MTFMT: variants seen among roughly 807,000 people sequenced by gnomAD.
MTFMT encodes mitochondrial methionyl-tRNA formyltransferase.
MTFMT carries 47 observed loss-of-function variants against 51.8 expected under a neutral mutation model. The observed-to-expected ratio is 0.91, with a 90% CI of 0.72 to 1.16. MTFMT has a LOEUF of 1.16. MTFMT is among the 50% of genes most tolerant of loss of function. The pLI, the probability that MTFMT is intolerant of heterozygous loss-of-function variation, is 0.00. For synonymous variants in MTFMT, 196 were observed against 176.7 expected (o/e 1.11, Z -0.87); for missense variants, 512 against 482.3 (o/e 1.06, Z -0.58).
intron 6 of MTFMT, among the ~76,000 whole-genome samples, chr15:65,007,479 A>C (rs919749048): frequency 6.6e-6 from 1 of 152,154 alleles, no homozygotes; most frequent in Non-Finnish European, 1.5e-5. Context: ...GATATTTGTT[A>C]TTTTCAATTT....
At position 65,029,350 on chromosome 15, in the gene MTFMT, G is replaced by A. The variant is rs555946991; in HGVS notation, c.209+55C>T. On this transcript the variant is annotated intron_variant, in intron 1 of 8. Transcript: ENST00000220058. ...CCAAAACCCTCGGGGCCGGCCGCCC[G>A]GGCGCGGCCTGGAGGCCTTCAGCGG... 7.9e-4 allele frequency: 1,069 copies of A among 1,351,676 alleles called. 2 individuals carry two copies. The highest frequency in any genetic ancestry group is 9.8e-4 in the Non-Finnish European group (1,033 of 1,055,688). 83.7% of individuals were successfully genotyped at this position (1,351,676 alleles called of 1,614,324 possible). A position where few individuals can be genotyped will look rare whatever the true frequency, so the allele number is the denominator to read the frequency against.
chr15:65,025,258 A>AGCTGGGTG (rs987606363), intron 2 of MTFMT, among the ~76,000 whole-genome samples: 2 of 142,916 alleles, frequency 1.4e-5, no homozygotes, highest in African/African-American at 5.1e-5. Flanking sequence ...AAAAAGAGTT[A>AGCTGGGTG]GCTGGGTGTG....
Position 65,002,981 on chromosome 15 carries a change from AAAAG to A in MTFMT, c.*77_*80del. The A allele has an allele frequency of 1.0e-6, 1 of 990,628 alleles. No individual in the cohort carries two copies. Among genetic ancestry groups the A allele is most frequent in the Non-Finnish European group, 1.4e-6 (1 of 734,196 alleles). 61.4% of individuals were successfully genotyped at this position (990,628 alleles called of 1,614,324 possible). ...CTGTCTCAAAAAAAAAAAAAAAAAA[AAAAG>A]TCCAGATAATTCCTTGTAAATAAGG... On this transcript the variant is annotated 3_prime_UTR_variant, in exon 9 of 9. Coordinates refer to ENST00000220058, the MANE Select transcript of MTFMT (RefSeq NM_139242.4).
At chr15:65,005,316 T>TG (rs1255583886) in intron 7 of MTFMT, among the ~76,000 whole-genome samples, 6 of 152,202 alleles carry the variant, frequency 3.9e-5, no homozygotes, top group Non-Finnish European at 8.8e-5. Flanking sequence ...CCTAGGTTCC[T>TG]GGGGAACTCC....
intron 4 of MTFMT, among the ~76,000 whole-genome samples, chr15:65,021,248 A>G (rs1054123458): frequency 6.6e-6 from 1 of 152,222 alleles, no homozygotes; most frequent in Admixed American, 6.5e-5. Flanking sequence ...TGAGAAGAAT[A>G]GTCTAAGACC....
intron 8 of MTFMT, among the ~76,000 whole-genome samples, chr15:65,003,595 G>A (rs996045723): frequency 2.2e-4 from 34 of 151,980 alleles, no homozygotes; most frequent in African/African-American, 8.2e-4. Context: ...GGTGGCTCAC[G>A]CCTGTAATCC....
intron 2 of MTFMT, chr15:65,026,573 C>A: frequency 5.2e-6 from 2 of 385,360 alleles, no homozygotes; most frequent in Non-Finnish European, 9.5e-6. Context: ...ATGTTATTTC[C>A]TATTGTGTTC....
At position 65,007,397 on chromosome 15, in the gene MTFMT, T is replaced by C. The variant is rs867001308; in HGVS notation, c.814-1206A>G. ...TTGATGTTTCATCAGTACATACTTA[T>C]CAATTTCACTCTATCTGCTGCACAG... On this transcript the variant is annotated intron_variant, in intron 6 of 8. Transcript: ENST00000220058. Among the ~76,000 whole-genome samples the C allele has an allele frequency of 4.6e-5, 7 of 152,352 alleles. No individual in the cohort carries two copies. In the South Asian group the frequency reaches 1.2e-3, roughly 27 times the overall value.
At chr15:65,015,300 A>G (rs1264575384) in intron 6 of MTFMT, among the ~76,000 whole-genome samples, 1 of 152,180 alleles carries the variant, frequency 6.6e-6, no homozygotes, top group East Asian at 1.9e-4. Flanking sequence ...TAGGATTTGA[A>G]GTAAGATAGA....
chr15:65,028,239 G>A (rs1040648371), intron 1 of MTFMT, among the ~76,000 whole-genome samples: 1 of 152,116 alleles, frequency 6.6e-6, no homozygotes. Context: ...GGGCAACATG[G>A]TGAAAACCCG....
rs202082622 is a variant in MTFMT, at chr15:65,006,120, G to A, written c.885C>T (p.Val295=). 7.7e-4 allele frequency: 1,238 copies of A among 1,611,886 alleles called. 5 individuals are homozygous for A. The highest frequency in any genetic ancestry group is 9.7e-4 in the Non-Finnish European group (1,147 of 1,178,626). ...CTATTCAAAAGTTAGTACCAGCAAG[G>A]ACTGAACTGTTAACTTCTACCAAAT... is the stretch of plus-strand genomic sequence containing the variant. ...LLDLVEVNSS[V]LADPKLTGQA... Residue 295 remains valine (V), a synonymous_variant, in exon 7 of 9, where the codon GTC becomes GTT. Coordinates refer to ENST00000220058, the MANE Select transcript of MTFMT (RefSeq NM_139242.4).
chr15:65,003,913 C>T lies in MTFMT; in HGVS notation c.976-657G>A, dbSNP rs368876467. Among the ~76,000 whole-genome samples, 7 of 149,012 alleles carry T rather than the reference C, an allele frequency of 4.7e-5. 1 individual carries two copies. The highest frequency in any genetic ancestry group is 1.7e-4 in the African/African-American group (7 of 40,660). On this transcript the variant is annotated intron_variant, in intron 8 of 8. Transcript: ENST00000220058. ...CCAGAAAAGGACAGCAAGACATATG[C>T]ATCCAACACTGTTCCAGAATAAGCT...
intron 1 of MTFMT, among the ~76,000 whole-genome samples, chr15:65,027,285 C>G (rs2086434078): frequency 6.6e-6 from 1 of 151,680 alleles, no homozygotes; most frequent in African/African-American, 2.4e-5. Context: ...GCAACCTCTG[C>G]CCCCTAGGTT....
intron 5 of MTFMT, 43 bp from the exon 6 acceptor site, chr15:65,016,570 T>G (rs761346145): frequency 1.5e-6 from 2 of 1,312,804 alleles, no homozygotes; most frequent in Admixed American, 3.4e-5. Flanking sequence ...TCAGGGTCAG[T>G]GTCCATGAAT....
chr15:65,025,347 T>C lies in MTFMT; in HGVS notation c.419+1484A>G, dbSNP rs2086413382. On this transcript the variant is annotated intron_variant, in intron 2 of 8. Coordinates refer to ENST00000220058, the MANE Select transcript of MTFMT (RefSeq NM_139242.4). The stretch of plus-strand genomic sequence containing the variant: ...TTGAGTCTGGGGCTGCAGTGAGTTA[T>C]GATAGCAACACTGTACTCCAGCCTG... Among the ~76,000 whole-genome samples the C allele has an allele frequency of 2.0e-5, 3 of 151,834 alleles. No homozygotes were observed. In the South Asian group the frequency reaches 6.2e-4, roughly 32 times the overall value.
intron 6 of MTFMT, among the ~76,000 whole-genome samples, chr15:65,010,357 T>C (rs944473785): frequency 7.8e-5 from 1 of 12,752 alleles, no homozygotes; most frequent in African/African-American, 1.8e-4. Flanking sequence ...TACCTCTCTC[T>C]CCCAGAAAAA....
chr15:65,015,766 G>C (rs2086315648), intron 6 of MTFMT: 1 of 152,408 alleles, frequency 6.6e-6, no homozygotes, highest in African/African-American at 2.4e-5. Flanking sequence ...GAGCCTGGGA[G>C]GCAGAGGTTG....
chr15:65,025,182 G>A (rs1397729285), intron 2 of MTFMT, among the ~76,000 whole-genome samples: 1 of 147,742 alleles, frequency 6.8e-6, no homozygotes, highest in Non-Finnish European at 1.5e-5. Context: ...ATCACATGCA[G>A]CCAGGAGTTT....
rs1180410582 is a variant in MTFMT, at chr15:65,029,585, C to A, written c.29G>T (p.Gly10Val). The change falls in exon 1 of 9, where the codon GGT becomes GTT. Residue 10 changes from glycine (G) to valine (V), a missense_variant. Gly to Val is a moderately radical substitution (Grantham distance 109). Coordinates refer to ENST00000220058, the MANE Select transcript of MTFMT (RefSeq NM_139242.4). MRVLVRRCW[G>V]PPLAHGARRG... ...CCTGGCGCCATGAGCCAGCGGAGGA[C>A]CCCAACAGCGCCGCACCAACACCCT... 2 of 1,490,374 alleles carry A rather than the reference C, an allele frequency of 1.3e-6. No individual in the cohort carries two copies. The highest frequency in any genetic ancestry group is 2.9e-5 in the African/African-American group (2 of 68,834). The allele number at this position is 1,490,374 out of a possible 1,614,324, so 92.3% of individuals were successfully genotyped here.
Sources: gnomAD v4.1 joint callset for allele counts (sites outside exome capture counted in the v4.1 genomes callset) on GRCh38, gnomAD v4.1.1 for gene constraint, MANE v1.5 for transcripts, NCBI Gene and HGNC (gene_info 2026-07-23, HGNC 2026-07-21) for gene names.